The following ZSCAN25 variants were observed in gnomAD, a reference collection of about 807,000 sequenced individuals.
ZSCAN25 encodes the protein zinc finger and SCAN domain-containing protein 25.
Under a neutral mutation model 38.7 loss-of-function variants are expected in ZSCAN25, and 27 were observed. The observed-to-expected ratio is 0.70, with a 90% confidence interval of 0.51 to 0.96. The LOEUF (loss-of-function observed/expected upper bound fraction) is 0.96. Among genes scored for constraint, ZSCAN25 ranks in the 40% least tolerant of loss-of-function variants. The pLI, the probability that ZSCAN25 is intolerant of heterozygous loss-of-function variation, is 0.00. For synonymous variants in ZSCAN25, 273 were observed against 277.7 expected (o/e 0.98, Z 0.17); for missense variants, 637 against 705.9 (o/e 0.90, Z 1.11).
chr7:99,737,992 C>A, the ZSCAN25 span, among the ~76,000 whole-genome samples: 12 of 152,196 alleles, frequency 7.9e-5, no homozygotes, highest in Admixed American at 7.2e-4. Flanking sequence ...ACTTGCCTCT[C>A]CCCTACTCAT....
At chr7:99,677,979 T>A in the ZSCAN25 span, among the ~76,000 whole-genome samples, 1 of 152,214 alleles carries the variant, frequency 6.6e-6, no homozygotes, top group Non-Finnish European at 1.5e-5. Context: ...TTAGTTTCTT[T>A]CCAGCTCCCC....
At chr7:99,624,436 C>T (rs1039800448) in intron 7 of ZSCAN25, 2 of 497,014 alleles carry the variant, frequency 4.0e-6, no homozygotes, top group African/African-American at 3.8e-5. Flanking sequence ...CCCCAAACAC[C>T]TACATTGTGT....
At chr7:99,735,286 G>A in the ZSCAN25 span, 3 of 680,966 alleles carry the variant, frequency 4.4e-6, no homozygotes, top group Non-Finnish European at 7.6e-6. Context: ...TGCTCTGCCT[G>A]CAGTCGGAAG....
chr7:99,661,477 C>T, the ZSCAN25 span, among the ~76,000 whole-genome samples: 24 of 152,214 alleles, frequency 1.6e-4, 1 homozygote. Flanking sequence ...TGACTGTAGT[C>T]TGATGAATGG....
the ZSCAN25 span, chr7:99,699,890 G>T: frequency 1.1e-6 from 1 of 950,776 alleles, no homozygotes; most frequent in Non-Finnish European, 1.7e-6. Flanking sequence ...CTTTAAAACA[G>T]ATGAGGGAAC....
intron 5 of ZSCAN25, chr7:99,622,080 A>G (rs1241873258): frequency 1.1e-5 from 2 of 178,448 alleles, no homozygotes; most frequent in East Asian, 3.6e-4. Flanking sequence ...ATGTGCCACC[A>G]TGCCCTGTTA....
chr7:99,701,293 T>A, the ZSCAN25 span, among the ~76,000 whole-genome samples: 1 of 152,244 alleles, frequency 6.6e-6, no homozygotes, highest in Non-Finnish European at 1.5e-5. Context: ...TCATGCTTTT[T>A]TCATGGCTGA....
At chr7:99,664,064 T>C in the ZSCAN25 span, 2 of 1,594,594 alleles carry the variant, frequency 1.3e-6, no homozygotes, top group South Asian at 1.2e-5. Flanking sequence ...CATTTAATGC[T>C]TCAAAAACTG....
At chr7:99,620,166 C>A in intron 4 of ZSCAN25, 173 bp downstream of exon 4, 1 of 950,596 alleles carries the variant, frequency 1.1e-6, no homozygotes. Flanking sequence ...CAAGAAAGGC[C>A]ATTCCCAGGG....
rs569047025 is a variant in ZSCAN25, at chr7:99,622,821, A to G, written c.681+181A>G. 1.5e-3 allele frequency among the ~76,000 whole-genome samples: 233 copies of G among 152,234 alleles called. 1 individual carries two copies. Among genetic ancestry groups the G allele is most frequent in the African/African-American group, 5.0e-3 (209 of 41,540 alleles). On this transcript the variant is annotated intron_variant, in intron 6 of 7. Coordinates refer to ENST00000394152, the MANE Select transcript of ZSCAN25 (RefSeq NM_145115.3). The stretch of plus-strand genomic sequence containing the variant: ...ACTGAACCATCAGCCGCAGTTGTTA[A>G]TTTACATCGAACCTTATGTCTGTCG...
chr7:99,686,728 C>T, the ZSCAN25 span, among the ~76,000 whole-genome samples: 139 of 152,108 alleles, frequency 9.1e-4, no homozygotes, highest in African/African-American at 3.3e-3. Flanking sequence ...TCCCTGTCCC[C>T]TGAGCAGCCT....
At chr7:99,737,238 T>C in the ZSCAN25 span, among the ~76,000 whole-genome samples, 1 of 152,030 alleles carries the variant, frequency 6.6e-6, no homozygotes, top group Non-Finnish European at 1.5e-5. Context: ...AATAAAATAT[T>C]ATAAAAAGTT....
rs1807809432 is a variant in ZSCAN25 at position 99,629,586 on chromosome 7, A to C, written c.1201A>C (p.Arg401=). The C allele has an allele frequency of 6.2e-7, 1 of 1,614,212 alleles. No individual in the cohort carries two copies. Among genetic ancestry groups the C allele is most frequent in the Non-Finnish European group, 8.5e-7 (1 of 1,180,034 alleles). The change falls in exon 8 of 8, where the codon AGG becomes CGG. Residue 401 remains arginine, a synonymous_variant. Transcript: ENST00000394152. This position sits in a 1 kb window ranked among gnomAD's most constrained non-coding sequence, Gnocchi z 5.6. ...MKHQRTHLGK[R]PYVCSECWKT... The stretch of plus-strand genomic sequence containing the variant: ...GCACCAGAGAACCCACCTGGGAAAG[A>C]GGCCCTACGTGTGCAGCGAGTGCTG...
At chr7:99,653,484 A>AATAAATAC in the ZSCAN25 span, among the ~76,000 whole-genome samples, 6 of 152,006 alleles carry the variant, frequency 3.9e-5, no homozygotes, top group African/African-American at 9.6e-5. The surrounding 1 kb of genome is among the most constrained non-coding windows in gnomAD (Gnocchi z 4.2). Context: ...TAAATAAATA[A>AATAAATAC]ATTTGTGGAT....
the ZSCAN25 span, among the ~76,000 whole-genome samples, chr7:99,723,439 C>T: frequency 6.6e-6 from 1 of 152,204 alleles, no homozygotes; most frequent in Admixed American, 6.5e-5. Context: ...TTACCCCAGT[C>T]CTATAAAACT....
chr7:99,679,182 C>A, the ZSCAN25 span, among the ~76,000 whole-genome samples: 3 of 152,252 alleles, frequency 2.0e-5, no homozygotes, highest in Middle Eastern at 3.4e-3. Flanking sequence ...CAAGATAAAC[C>A]ATCCTGTGTA....
chr7:99,694,106 T>C, the ZSCAN25 span, among the ~76,000 whole-genome samples: 1 of 152,242 alleles, frequency 6.6e-6, no homozygotes, highest in African/African-American at 2.4e-5. Context: ...TTCTGATGCC[T>C]TTTTGCTTTT....
chr7:99,695,660 CT>C, the ZSCAN25 span: 1 of 1,138,930 alleles, frequency 8.8e-7, no homozygotes, highest in Non-Finnish European at 1.3e-6. Flanking sequence ...TCAGACCTTC[CT>C]CCTGAGGAGA....
chr7:99,694,912 A>G, the ZSCAN25 span, among the ~76,000 whole-genome samples: 1 of 152,226 alleles, frequency 6.6e-6, no homozygotes, highest in Non-Finnish European at 1.5e-5. Flanking sequence ...TTTATTCAGC[A>G]AAATTAAATA....
Sources: gnomAD v4.1 joint callset for allele counts (sites outside exome capture counted in the v4.1 genomes callset) on GRCh38, gnomAD v4.1.1 for gene constraint, Gnocchi (gnomAD v3.1) non-coding constraint, MANE v1.5 for transcripts, NCBI Gene and HGNC (gene_info 2026-07-23, HGNC 2026-07-21) for gene names.